Variants in USP37 observed in about 807,000 individuals in gnomAD.
USP37 encodes ubiquitin specific peptidase 37.
In USP37, 27 loss-of-function variants were observed where a neutral mutation model predicts 124.0. That is an observed-to-expected ratio of 0.22 (90% CI 0.16 to 0.30). The LOEUF (loss-of-function observed/expected upper bound fraction) is 0.30. Among genes scored for constraint, USP37 ranks in the 10% least tolerant of loss-of-function variants. USP37 has a pLI of 1.00. For synonymous variants in USP37, 365 were observed against 388.0 expected (o/e 0.94, Z 0.70); for missense variants, 889 against 1,140.4 (o/e 0.78, Z 3.17).
At chr2:218,489,350 T>C (rs868034431) in intron 14 of USP37, among the ~76,000 whole-genome samples, 10 of 115,964 alleles carry the variant, frequency 8.6e-5, no homozygotes, top group Non-Finnish European at 9.0e-5. Flanking sequence ...AGAGAGAGAC[T>C]CTGTCTCAAA....
intron 20 of USP37, among the ~76,000 whole-genome samples, chr2:218,472,266 T>C (rs1305950204): frequency 6.6e-6 from 1 of 152,070 alleles, no homozygotes; most frequent in Non-Finnish European, 1.5e-5. Context: ...TGCACTCACA[T>C]AGCCTTCCCA....
At chr2:218,484,452 T>C (rs1039937555) in intron 16 of USP37, among the ~76,000 whole-genome samples, 1 of 151,628 alleles carries the variant, frequency 6.6e-6, no homozygotes, top group African/African-American at 2.4e-5. Context: ...CAAAACCCCG[T>C]CTCTACTAAA....
intron 21 of USP37, among the ~76,000 whole-genome samples, 194 bp from the exon 22 acceptor site, chr2:218,463,560 G>A (rs1408620487): frequency 6.9e-6 from 1 of 144,168 alleles, no homozygotes; most frequent in South Asian, 2.2e-4. Flanking sequence ...TTTTGAGACG[G>A]AGTCTCGCTC....
In USP37 at chr2:218,478,340, C is replaced by T. The variant is rs533586862; in HGVS notation, c.1901+1310G>A. Among the ~76,000 whole-genome samples the T allele has an allele frequency of 1.1e-4, 17 of 152,282 alleles. No individual in the cohort carries two copies. In the East Asian group the frequency reaches 1.5e-3, roughly 14 times the overall value. On this transcript the variant is annotated intron_variant, in intron 18 of 25. Coordinates refer to ENST00000258399, the MANE Select transcript of USP37 (RefSeq NM_020935.3). ...TCTTAATTCCTCAATTCAGATTTCA[C>T]GCTCACCAAGCAAACCTGAACATAT...
chr2:218,536,713 A>G (rs1691668216), intron 8 of USP37, among the ~76,000 whole-genome samples: 1 of 152,168 alleles, frequency 6.6e-6, no homozygotes, highest in South Asian at 2.1e-4. Flanking sequence ...TCACATGCAC[A>G]CTAATCTCCA....
chr2:218,520,073 G>A (rs533628012), intron 10 of USP37, among the ~76,000 whole-genome samples: 9 of 151,748 alleles, frequency 5.9e-5, no homozygotes, highest in Admixed American at 1.3e-4. Context: ...GAGTAGCTGC[G>A]ATTACAGGTG....
intron 10 of USP37, among the ~76,000 whole-genome samples, chr2:218,523,999 T>C (rs1408411016): frequency 6.6e-6 from 1 of 152,200 alleles, no homozygotes; most frequent in Non-Finnish European, 1.5e-5. Flanking sequence ...TAATGCTCTG[T>C]TCCTAATATG....
intron 19 of USP37, among the ~76,000 whole-genome samples, chr2:218,475,580 C>T (rs1020419544): frequency 6.6e-6 from 1 of 151,890 alleles, no homozygotes; most frequent in Non-Finnish European, 1.5e-5. Context: ...ACTAAAAATA[C>T]AAAAAAATTA....
chr2:218,481,054 A>T (rs1300619379), intron 17 of USP37, among the ~76,000 whole-genome samples: 1 of 152,212 alleles, frequency 6.6e-6, no homozygotes, highest in Non-Finnish European at 1.5e-5. Flanking sequence ...TTCCATCTTC[A>T]AAGTTCTACA....
intron 9 of USP37, among the ~76,000 whole-genome samples, chr2:218,531,222 C>T (rs759440783): frequency 5.6e-4 from 85 of 152,160 alleles, no homozygotes; most frequent in Admixed American, 1.6e-3. Flanking sequence ...TCTTGCTAGG[C>T]GCTAATGTGG....
Position 218,455,706 on chromosome 2 carries a change from C to T in USP37, c.2726G>A (p.Ser909Asn). 1 of 1,612,428 alleles carries T rather than the reference C, an allele frequency of 6.2e-7. No individual in the cohort carries two copies. The highest frequency in any genetic ancestry group is 8.5e-7 in the Non-Finnish European group (1 of 1,179,594). The change falls in exon 25 of 26, where the codon AGT (serine) becomes AAT (asparagine). Residue 909 changes from serine (S) to asparagine (N), a missense_variant. Physicochemically the swap from Ser to Asn is conservative, Grantham distance 46. Around this residue, in one of 3 missense-constraint regions of USP37, gnomAD observed 504 missense variants for 714.3 expected, o/e 0.71. Coordinates refer to ENST00000258399, the MANE Select transcript of USP37 (RefSeq NM_020935.3). ...GSTSSSGHYI[S>N]DVYDIKKQAW... ...TTGCTTCTTAATGTCATATACATCA[C>T]TAATGTAATGACCTGAAACAAATAA...
chr2:218,472,811 T>G (rs1423535383), intron 20 of USP37, among the ~76,000 whole-genome samples: 1 of 152,152 alleles, frequency 6.6e-6, no homozygotes, highest in African/African-American at 2.4e-5. Context: ...ACATAACAAT[T>G]ATCACATCTA....
At chr2:218,520,719 T>C (rs1261238436) in intron 10 of USP37, among the ~76,000 whole-genome samples, 1 of 152,220 alleles carries the variant, frequency 6.6e-6, no homozygotes, top group Non-Finnish European at 1.5e-5. Context: ...CCAAAGTCCA[T>C]ATATTACATT....
chr2:218,562,084 T>C (rs550720097), intron 2 of USP37, among the ~76,000 whole-genome samples: 2 of 152,362 alleles, frequency 1.3e-5, no homozygotes, highest in East Asian at 1.9e-4. Context: ...AGAACCAATA[T>C]AATAAACTTT....
chr2:218,509,891 G>A lies in USP37; in HGVS notation c.1025+88C>T, dbSNP rs1689883387. On this transcript the variant is annotated intron_variant, in intron 11 of 25. Coordinates refer to ENST00000258399, the MANE Select transcript of USP37 (RefSeq NM_020935.3). The stretch of plus-strand genomic sequence containing the variant: ...TTTCTAAATATTTTAGAACTTTAAT[G>A]TGACTCCTTTAATTACATTTTACAC... 7 of 1,240,414 alleles carry A rather than the reference G, an allele frequency of 5.6e-6. No individual in the cohort carries two copies. The South Asian group carries it at 1.0e-4, about 18-fold the overall frequency. The allele number at this position is 1,240,414 out of a possible 1,614,324, so 76.8% of individuals were successfully genotyped here.
chr2:218,552,930 C>T (rs1209551198), intron 5 of USP37, among the ~76,000 whole-genome samples: 1 of 151,298 alleles, frequency 6.6e-6, no homozygotes, highest in Non-Finnish European at 1.5e-5. Context: ...AACAAACAAA[C>T]AAACAAACAA....
intron 10 of USP37, 73 bp from the exon 11 acceptor site, chr2:218,510,213 G>A: frequency 1.3e-6 from 2 of 1,487,294 alleles, no homozygotes; most frequent in Non-Finnish European, 1.8e-6. Flanking sequence ...AATAGATTAA[G>A]AGAAGTCAAT....
chr2:218,485,809 T>G, intron 15 of USP37, 66 bp from the exon 16 acceptor site: 1 of 1,541,686 alleles, frequency 6.5e-7, no homozygotes, highest in Non-Finnish European at 8.8e-7. Flanking sequence ...TGCAAATAAT[T>G]TGCTCTAGTC....
At chr2:218,546,422 AATT>A in intron 7 of USP37, 124 bp from the exon 8 acceptor site, 2 of 647,182 alleles carry the variant, frequency 3.1e-6, no homozygotes, top group Middle Eastern at 4.3e-4. Flanking sequence ...CACCATATTT[AATT>A]ATTATTATTT....
Sources: allele counts gnomAD v4.1 joint callset (sites outside exome capture counted in the v4.1 genomes callset), GRCh38; gene constraint gnomAD v4.1.1; regional missense constraint gnomAD v4.1.1; transcripts MANE v1.5; gene names NCBI Gene and HGNC (gene_info 2026-07-23, HGNC 2026-07-21).